The following TTC39C variants were observed in gnomAD, a reference collection of about 807,000 sequenced individuals.
The protein encoded by TTC39C is tetratricopeptide repeat domain 39C.
TTC39C carries 33 observed loss-of-function variants against 76.3 expected under a neutral mutation model. The observed-to-expected ratio is 0.43, with a 90% CI of 0.33 to 0.58. The LOEUF is 0.58. TTC39C is among the 20% of genes least tolerant of loss of function. The pLI, the probability that TTC39C is intolerant of heterozygous loss-of-function variation, is 0.04. For missense variants in TTC39C, 595 were observed against 701.4 expected, an observed-to-expected ratio of 0.85 and a Z score of 1.71; for synonymous variants, 254 against 260.6, an observed-to-expected ratio of 0.97 and a Z score of 0.24.
At chr18:23,995,707 GAAAA>G (rs913445000) in intron 1 of TTC39C, among the ~76,000 whole-genome samples, 1 of 143,638 alleles carries the variant, frequency 7.0e-6, no homozygotes, top group Non-Finnish European at 1.5e-5. Context: ...ATCTCTGCCG[GAAAA>G]AAAAAAAAGT....
chr18:24,078,051 A>G (rs1396666104), intron 4 of TTC39C, among the ~76,000 whole-genome samples: 1 of 152,220 alleles, frequency 6.6e-6, no homozygotes, highest in Non-Finnish European at 1.5e-5. Flanking sequence ...TTGTACAGTA[A>G]ATATTCTTGT....
In TTC39C at chr18:24,023,996, A is replaced by ATTTTTTTT. The variant is rs1947928421; in HGVS notation, c.167+8959_167+8960insTTTTTTTT. Among the ~76,000 whole-genome samples the ATTTTTTTT allele has an allele frequency of 5.0e-4, 2 of 3,964 alleles. 1 individual carries two copies. Among genetic ancestry groups the ATTTTTTTT allele is most frequent in the Admixed American group, 6.0e-3 (2 of 334 alleles). The allele number at this position is 3,964 out of a possible 152,430, so 2.6% of individuals were successfully genotyped here. A position where few individuals can be genotyped will look rare whatever the true frequency, so the allele number is the denominator to read the frequency against. ...TATATATATACATATATATATATATATATATATATATATATATATATTTTT... is the reference window on the plus strand; with the variant it reads ...TATATATATACATATATATATATATATTTTTTTTTATATATATATATATATATATTTTT... On this transcript the variant is annotated intron_variant, in intron 1 of 13. Transcript: ENST00000317571.
intron 6 of TTC39C, among the ~76,000 whole-genome samples, chr18:24,083,391 T>TA (rs2084400962): frequency 6.6e-6 from 1 of 152,148 alleles, no homozygotes; most frequent in Non-Finnish European, 1.5e-5. Flanking sequence ...AAATACAAAA[T>TA]ACAATTTTTT....
At chr18:24,020,589 G>A (rs1038899272) in intron 1 of TTC39C, among the ~76,000 whole-genome samples, 1 of 152,164 alleles carries the variant, frequency 6.6e-6, no homozygotes, top group Non-Finnish European at 1.5e-5. Flanking sequence ...CAGTATTTGC[G>A]TATCACCTAC....
chr18:24,018,813 A>G lies in TTC39C; in HGVS notation c.167+3775A>G, dbSNP rs113399953. ...TGGAGACATGAAATGACATTGGGAA[A>G]AGAGTGGTCAGAACTGCAGGCTCAC... On this transcript the variant is annotated intron_variant, in intron 1 of 13. Transcript: ENST00000317571. Among the ~76,000 whole-genome samples the G allele has an allele frequency of 4.3e-3, 648 of 152,262 alleles. 4 individuals are homozygous for G. Among genetic ancestry groups the G allele is most frequent in the South Asian group, 0.037 (177 of 4,826 alleles).
At chr18:24,051,011 G>A (rs1470797387) in intron 1 of TTC39C, among the ~76,000 whole-genome samples, 1 of 152,078 alleles carries the variant, frequency 6.6e-6, no homozygotes, top group Non-Finnish European at 1.5e-5. Context: ...TGCTAGAAAC[G>A]CATCAGTCAG....
chr18:24,092,040 C>A (rs1335112201), intron 6 of TTC39C, among the ~76,000 whole-genome samples: 1 of 124,968 alleles, frequency 8.0e-6, no homozygotes, highest in African/African-American at 2.9e-5. Context: ...TTGCAGTGAA[C>A]CAAGATCGCA....
intron 6 of TTC39C, among the ~76,000 whole-genome samples, chr18:24,084,695 G>A (rs1414538818): frequency 3.3e-5 from 5 of 151,340 alleles, no homozygotes; most frequent in African/African-American, 1.2e-4. Flanking sequence ...TCACCCTGTT[G>A]CCCAGGCTGG....
At chr18:24,040,502 A>G (rs962617838) in intron 1 of TTC39C, among the ~76,000 whole-genome samples, 6 of 152,158 alleles carry the variant, frequency 3.9e-5, no homozygotes, top group East Asian at 1.9e-4. Flanking sequence ...CATACATGTC[A>G]TGTTTTTCCT....
chr18:24,015,200 C>T, intron 1 of TTC39C, 162 bp downstream of exon 1: 1 of 582,506 alleles, frequency 1.7e-6, no homozygotes, highest in Admixed American at 4.4e-5. Flanking sequence ...GGGAATGCGC[C>T]TCTGCCACAT....
intron 1 of TTC39C, among the ~76,000 whole-genome samples, chr18:24,029,069 C>A (rs1447988761): frequency 6.7e-6 from 1 of 149,212 alleles, no homozygotes; most frequent in Non-Finnish European, 1.5e-5. Flanking sequence ...GTTTGAGTTG[C>A]TTGTATAAAT....
chr18:24,112,817 T>C (rs1024338315), intron 6 of TTC39C, among the ~76,000 whole-genome samples: 7 of 152,358 alleles, frequency 4.6e-5, no homozygotes, highest in Middle Eastern at 3.4e-3. Flanking sequence ...GATTTCTGTA[T>C]AAATATGCTA....
chr18:24,078,623 A>G (rs1273176546), intron 4 of TTC39C, among the ~76,000 whole-genome samples: 2 of 152,246 alleles, frequency 1.3e-5, no homozygotes, highest in Non-Finnish European at 2.9e-5. Context: ...GGAGTCACAC[A>G]GGATGTGCTA....
chr18:24,123,196 A>G (rs192998526), intron 8 of TTC39C, among the ~76,000 whole-genome samples: 1 of 152,240 alleles, frequency 6.6e-6, no homozygotes, highest in Admixed American at 6.5e-5. Flanking sequence ...CACTTTGAGT[A>G]TGTGAGCCCT....
intron 2 of TTC39C, 96 bp from the exon 3 acceptor site, chr18:24,065,911 ATAATT>A (rs761419820): frequency 7.7e-5 from 95 of 1,237,562 alleles, no homozygotes; most frequent in Non-Finnish European, 1.0e-4. Flanking sequence ...CTTGCAATAA[ATAATT>A]TAAGTGTTTT....
chr18:24,116,693 G>A (rs2084895872), intron 7 of TTC39C, among the ~76,000 whole-genome samples: 3 of 152,136 alleles, frequency 2.0e-5, no homozygotes, highest in South Asian at 4.1e-4. Context: ...ACTTAGTGAT[G>A]CACCTGATAA....
chr18:24,058,498 T>C (rs892865623), intron 1 of TTC39C, among the ~76,000 whole-genome samples: 1 of 151,870 alleles, frequency 6.6e-6, no homozygotes, highest in Non-Finnish European at 1.5e-5. Flanking sequence ...CTACTAAAAA[T>C]ACAAAAATTA....
At chr18:24,094,707 A>C (rs1046474420) in intron 6 of TTC39C, among the ~76,000 whole-genome samples, 1 of 152,220 alleles carries the variant, frequency 6.6e-6, no homozygotes, top group Non-Finnish European at 1.5e-5. Context: ...AATCTTTTTT[A>C]TTCTGAGAAG....
intron 4 of TTC39C, among the ~76,000 whole-genome samples, chr18:24,080,369 C>T (rs531518075): frequency 6.6e-6 from 1 of 152,202 alleles, no homozygotes. Context: ...AACACACATG[C>T]TTACCAGTCA....
Sources: gnomAD v4.1 joint callset for allele counts (sites outside exome capture counted in the v4.1 genomes callset) on GRCh38, gnomAD v4.1.1 for gene constraint, MANE v1.5 for transcripts, NCBI Gene and HGNC (gene_info 2026-07-23, HGNC 2026-07-21) for gene names.